SLIT1: variants seen among roughly 807,000 people sequenced by gnomAD.
SLIT1 encodes the protein slit guidance ligand 1.
In SLIT1, 66 loss-of-function variants were observed where a neutral mutation model predicts 186.1. The observed-to-expected ratio is 0.35, with a 90% CI of 0.29 to 0.44. The LOEUF (loss-of-function observed/expected upper bound fraction) is 0.44. Ranked by LOEUF, SLIT1 falls within the 20% of genes least tolerant of loss-of-function variation. The probability of loss-of-function intolerance (pLI) is 1.00; values close to 1 mark genes in which losing one functional copy is unlikely to be tolerated. For synonymous variants in SLIT1, 761 were observed against 833.8 expected (o/e 0.91, Z 1.50); for missense variants, 1,638 against 2,037.4 (o/e 0.80, Z 3.77).
chr10:97,080,423 T>A (rs1001133414), intron 4 of SLIT1, among the ~76,000 whole-genome samples: 1 of 152,234 alleles, frequency 6.6e-6, no homozygotes, highest in Non-Finnish European at 1.5e-5. Flanking sequence ...CCAAGTCACA[T>A]GAAGCTAAGT....
intron 4 of SLIT1, among the ~76,000 whole-genome samples, chr10:97,141,776 T>C (rs865858161): frequency 1.3e-5 from 2 of 149,476 alleles, no homozygotes; most frequent in African/African-American, 5.1e-5. Context: ...TGTATCGTAC[T>C]GTATTGTATT....
At chr10:97,165,311 G>A (rs1850089792) in intron 1 of SLIT1, among the ~76,000 whole-genome samples, 2 of 152,186 alleles carry the variant, frequency 1.3e-5, no homozygotes, top group Non-Finnish European at 2.9e-5. Context: ...TTAGCACAGG[G>A]TAGAAGCAAG....
rs1182787979 is a variant in SLIT1, at chr10:97,043,805, A to C, written c.1854-292T>G. Among the ~76,000 whole-genome samples the C allele has an allele frequency of 6.6e-6, 1 of 152,082 alleles. No homozygotes were observed. Among genetic ancestry groups the C allele is most frequent in the African/African-American group, 2.4e-5 (1 of 41,402 alleles). Reference sequence around the variant, plus strand: ...TTGCCTCCGTGCCCTGGGTGCCCAGAGTTCCTGCCCGTCTTTAGGCCATGC... The same window carrying C: ...TTGCCTCCGTGCCCTGGGTGCCCAGCGTTCCTGCCCGTCTTTAGGCCATGC... On this transcript the variant is annotated intron_variant, in intron 18 of 36. Coordinates refer to ENST00000266058, the MANE Select transcript of SLIT1 (RefSeq NM_003061.3). This position sits in a 1 kb window ranked among gnomAD's most constrained non-coding sequence, Gnocchi z 7.0.
intron 25 of SLIT1, 137 bp downstream of exon 25, chr10:97,030,620 G>A: frequency 1.4e-6 from 1 of 693,210 alleles, no homozygotes; most frequent in Non-Finnish European, 2.6e-6. Context: ...GTCCCAGAAG[G>A]TGCACGTGGG....
intron 13 of SLIT1, among the ~76,000 whole-genome samples, chr10:97,052,758 T>C (rs1300743825): frequency 2.6e-5 from 4 of 152,226 alleles, no homozygotes; most frequent in African/African-American, 9.6e-5. Flanking sequence ...AAACATGATT[T>C]GGTAAATTTA....
intron 4 of SLIT1, among the ~76,000 whole-genome samples, chr10:97,146,561 C>G (rs928534625): frequency 3.3e-5 from 5 of 151,554 alleles, no homozygotes; most frequent in Admixed American, 2.0e-4. Flanking sequence ...GTACCCCAGC[C>G]CCCCCCACTG....
At chr10:97,132,114 G>C (rs1379061781) in intron 4 of SLIT1, among the ~76,000 whole-genome samples, 1 of 152,166 alleles carries the variant, frequency 6.6e-6, no homozygotes, top group Non-Finnish European at 1.5e-5. Context: ...CACTGCCCTG[G>C]ACCCCTGGGG....
rs759004781 is a variant in SLIT1 at position 97,034,459 on chromosome 10, G to T, written c.2438+12C>A. The stretch of plus-strand genomic sequence containing the variant: ...CCCCGGGGCCCCCCACCCCAGCCCT[G>T]CTGGGACTCACAGAGTGGTCAGCTG... On this transcript the variant is annotated intron_variant, in intron 23 of 36. Transcript: ENST00000266058. 1.9e-6 allele frequency: 3 copies of T among 1,609,844 alleles called. No homozygotes were observed. In the Admixed American group the frequency reaches 5.0e-5, roughly 27 times the overall value.
intron 13 of SLIT1, among the ~76,000 whole-genome samples, chr10:97,053,974 T>C (rs947651447): frequency 1.4e-4 from 22 of 152,134 alleles, no homozygotes; most frequent in African/African-American, 4.8e-4. Context: ...GTCGAATTTG[T>C]ATCAGTCTGC....
At chr10:97,041,530 G>A (rs1359318596) in intron 20 of SLIT1, among the ~76,000 whole-genome samples, 1 of 151,464 alleles carries the variant, frequency 6.6e-6, no homozygotes, top group African/African-American at 2.4e-5. Context: ...GGAGTGCAAC[G>A]GTGTGATCTC....
rs546083876 is a variant in SLIT1, at chr10:97,056,212, C to A, written c.1301+109G>T. On this transcript the variant is annotated intron_variant, in intron 13 of 36. Coordinates refer to ENST00000266058, the MANE Select transcript of SLIT1 (RefSeq NM_003061.3). Reference sequence around the variant, plus strand: ...TCCTTCCTCTGTAAGAGGCCACCCCCAGTGAGCACAGCAGCCCAGAGCCGG... The same window carrying A: ...TCCTTCCTCTGTAAGAGGCCACCCCAAGTGAGCACAGCAGCCCAGAGCCGG... 2.2e-3 allele frequency: 2,753 copies of A among 1,252,752 alleles called. 5 individuals are homozygous for A. The highest frequency in any genetic ancestry group is 3.0e-3 in the Non-Finnish European group (2,643 of 887,488). The allele number at this position is 1,252,752 out of a possible 1,614,324, so 77.6% of individuals were successfully genotyped here. A position where few individuals can be genotyped will look rare whatever the true frequency, so the allele number is the denominator to read the frequency against.
At chr10:97,073,216 G>A (rs1849016324) in intron 4 of SLIT1, among the ~76,000 whole-genome samples, 1 of 152,060 alleles carries the variant, frequency 6.6e-6, no homozygotes, top group Admixed American at 6.6e-5. Flanking sequence ...TGGTCTGTGT[G>A]GAAACCCCCC....
In SLIT1 at chr10:96,998,516, G is replaced by C. The variant is rs1021667205; in HGVS notation, c.*2596C>G. On this transcript the variant is annotated 3_prime_UTR_variant, in exon 37 of 37. Transcript: ENST00000266058. ...GAGCGAACTAGGGGTCTTCACAAAG[G>C]GGGACAAGATGTGGAGAGAGGACTT... 2 of 152,242 alleles carry C rather than the reference G, an allele frequency of 1.3e-5. No homozygotes were observed. The highest frequency in any genetic ancestry group is 2.4e-5 in the African/African-American group (1 of 41,420). The allele number at this position is 152,242 out of a possible 1,614,324, so 9.4% of individuals were successfully genotyped here. A position where few individuals can be genotyped will look rare whatever the true frequency, so the allele number is the denominator to read the frequency against.
chr10:97,094,574 A>C (rs548640605), intron 4 of SLIT1, among the ~76,000 whole-genome samples: 1 of 152,362 alleles, frequency 6.6e-6, no homozygotes, highest in Admixed American at 6.5e-5. Context: ...ACCCTAAAAA[A>C]TGATACAATG....
rs986496785 is a variant in SLIT1 at position 97,006,345 on chromosome 10, C to T, written c.3579+138G>A. 1.1e-5 allele frequency: 7 copies of T among 635,380 alleles called. No individual in the cohort carries two copies. The highest frequency in any genetic ancestry group is 1.1e-4 in the African/African-American group (6 of 54,714). 39.4% of individuals were successfully genotyped at this position (635,380 alleles called of 1,614,324 possible). The stretch of plus-strand genomic sequence containing the variant: ...TAGTTCAAGCTGAGATTTTGATACC[C>T]ATATGCAAAACGTTTTGATTACACA... On this transcript the variant is annotated intron_variant, in intron 32 of 36. Transcript: ENST00000266058. The surrounding 1 kb of genome is among the most constrained non-coding windows in gnomAD (Gnocchi z 4.0).
chr10:97,164,226 G>T (rs1017849396), intron 2 of SLIT1, among the ~76,000 whole-genome samples: 5 of 152,236 alleles, frequency 3.3e-5, no homozygotes, highest in South Asian at 2.1e-4. Context: ...CTCTCCACCC[G>T]CAAGCAGGTG....
chr10:97,169,268 G>A (rs1341383336), intron 1 of SLIT1, among the ~76,000 whole-genome samples: 1 of 152,194 alleles, frequency 6.6e-6, no homozygotes, highest in East Asian at 1.9e-4. Flanking sequence ...CCTCTCAGGG[G>A]AGAGCCCCTC....
intron 4 of SLIT1, among the ~76,000 whole-genome samples, chr10:97,067,321 C>T (rs1589380881): frequency 6.6e-6 from 1 of 152,196 alleles, no homozygotes; most frequent in Admixed American, 6.5e-5. Flanking sequence ...GGCCTCTGAC[C>T]TGTCCACCTG....
chr10:97,045,121 C>T (rs1191163162), intron 18 of SLIT1, among the ~76,000 whole-genome samples: 1 of 152,130 alleles, frequency 6.6e-6, no homozygotes, highest in Non-Finnish European at 1.5e-5. Flanking sequence ...GCCTCCAGAA[C>T]TTCTGTTGTC....
Sources: gnomAD v4.1 joint callset for allele counts (sites outside exome capture counted in the v4.1 genomes callset) on GRCh38, gnomAD v4.1.1 for gene constraint, Gnocchi (gnomAD v3.1) non-coding constraint, MANE v1.5 for transcripts, NCBI Gene and HGNC (gene_info 2026-07-23, HGNC 2026-07-21) for gene names.